The following NRXN3 variants were observed in gnomAD, a reference collection of about 807,000 sequenced individuals.
NRXN3 encodes neurexin 3, also known as neurexin III.
In NRXN3, 32 loss-of-function variants were observed where a neutral mutation model predicts 137.6. The ratio of observed to expected loss-of-function variants is 0.23; its 90% CI spans 0.18 to 0.31. The LOEUF is 0.31. Among genes scored for constraint, NRXN3 ranks in the 10% least tolerant of loss-of-function variants. NRXN3 has a pLI of 1.00. For missense variants in NRXN3, 1,574 were observed against 2,062.5 expected (o/e 0.76, Z 4.59); for synonymous variants, 798 against 784.5 (o/e 1.02, Z -0.29).
chr14:79,416,822 C>A (rs534356529), intron 15 of NRXN3, among the ~76,000 whole-genome samples: 1 of 152,218 alleles, frequency 6.6e-6, no homozygotes, highest in East Asian at 1.9e-4. Flanking sequence ...TCAAAGATAA[C>A]ATTACATGGC....
intron 4 of NRXN3, among the ~76,000 whole-genome samples, chr14:78,448,166 A>G (rs562217312): frequency 1.5e-4 from 23 of 152,340 alleles, no homozygotes; most frequent in African/African-American, 4.6e-4. Context: ...TTACTGTTCA[A>G]CTTATGATCT....
intron 17 of NRXN3, among the ~76,000 whole-genome samples, chr14:79,667,064 A>G (rs535392968): frequency 6.6e-6 from 1 of 152,166 alleles, no homozygotes; most frequent in East Asian, 1.9e-4. Context: ...AAAAGGATCA[A>G]TTTAACTATT....
In NRXN3 at chr14:78,709,499, A is replaced by G. The variant is rs1335838573; in HGVS notation, c.1504A>G (p.Asn502Asp). 1 of 1,614,118 alleles carries G rather than the reference A, an allele frequency of 6.2e-7. No individual in the cohort carries two copies. Among genetic ancestry groups the G allele is most frequent in the East Asian group, 2.2e-5 (1 of 44,840 alleles). ...QERKDARSQK[N>D]TKVDFFAVEL... ...GAGGAAGGATGCTCGGAGCCAGAAG[A>G]ATACAAAAGTAGACTTCTTTGCCGT... Residue 502 changes from asparagine to aspartate, a missense_variant, in exon 7 of 21, where the codon AAT becomes GAT. Asn to Asp is a conservative substitution (Grantham distance 23, BLOSUM62 1). Transcript: ENST00000335750.
chr14:78,723,892 A>T (rs969721622), intron 8 of NRXN3, among the ~76,000 whole-genome samples: 1 of 152,212 alleles, frequency 6.6e-6, no homozygotes, highest in East Asian at 1.9e-4. Flanking sequence ...AGGTTGGACC[A>T]TAAGAGAACA....
intron 19 of NRXN3, among the ~76,000 whole-genome samples, chr14:79,727,341 G>T (rs2098896926): frequency 6.6e-6 from 1 of 152,134 alleles, no homozygotes; most frequent in African/African-American, 2.4e-5. Flanking sequence ...GATAGGTATA[G>T]AATTCTTCCT....
chr14:79,427,219 G>A (rs2095667353), intron 15 of NRXN3, among the ~76,000 whole-genome samples: 1 of 152,164 alleles, frequency 6.6e-6, no homozygotes, highest in Non-Finnish European at 1.5e-5. Context: ...CAGCCTCAGG[G>A]AACTGTAAAA....
At chr14:78,558,869 T>A (rs951827140) in intron 4 of NRXN3, among the ~76,000 whole-genome samples, 1 of 152,234 alleles carries the variant, frequency 6.6e-6, no homozygotes, top group African/African-American at 2.4e-5. Context: ...ACATTATTGT[T>A]TCTTAATCCT....
intron 15 of NRXN3, among the ~76,000 whole-genome samples, chr14:79,461,612 G>C (rs778814849): frequency 6.6e-6 from 1 of 152,158 alleles, no homozygotes; most frequent in African/African-American, 2.4e-5. Flanking sequence ...TGCTAGAAGA[G>C]ATATTTATCA....
chr14:79,845,793 AGAGG>A lies in NRXN3; in HGVS notation c.4094-15545_4094-15542del, dbSNP rs1357099923. ...GGGAGAGAGAGGGAGACGGGGAGAG[AGAGG>A]GAGACGGGGAGAGAGAGGGAGACGG... On this transcript the variant is annotated intron_variant, in intron 20 of 20. Coordinates refer to ENST00000335750, the MANE Select transcript of NRXN3 (RefSeq NM_001330195.2). 6.6e-3 allele frequency among the ~76,000 whole-genome samples: 650 copies of A among 98,860 alleles called. 31 individuals are homozygous for A. Among genetic ancestry groups the A allele is most frequent in the Non-Finnish European group, 0.01 (462 of 44,636 alleles). 64.9% of individuals were successfully genotyped at this position (98,860 alleles called of 152,430 possible).
At chr14:79,561,357 AC>A (rs1208482545) in intron 16 of NRXN3, among the ~76,000 whole-genome samples, 2 of 152,198 alleles carry the variant, frequency 1.3e-5, no homozygotes, top group Non-Finnish European at 2.9e-5. Context: ...TGTGATGTTG[AC>A]TATATCATGC....
chr14:78,488,674 A>C (rs974501149), intron 4 of NRXN3, among the ~76,000 whole-genome samples: 2 of 152,022 alleles, frequency 1.3e-5, no homozygotes, highest in African/African-American at 4.8e-5. Flanking sequence ...GAGGAAAAGA[A>C]AAGACATGAA....
rs146607599 is a variant in NRXN3, at chr14:79,549,781, T to C, written c.3444+82379T>C. Among the ~76,000 whole-genome samples, 753 of 152,182 alleles carry C rather than the reference T, an allele frequency of 4.9e-3. 7 individuals are homozygous for C. The highest frequency in any genetic ancestry group is 0.017 in the African/African-American group (716 of 41,522). Reference sequence around the variant, plus strand: ...GTGGTATGTCCATTATTATGACCTATTTAGTGGCCCAGCAAATCCCCAAAT... The same window carrying C: ...GTGGTATGTCCATTATTATGACCTACTTAGTGGCCCAGCAAATCCCCAAAT... On this transcript the variant is annotated intron_variant, in intron 16 of 20. Coordinates refer to ENST00000335750, the MANE Select transcript of NRXN3 (RefSeq NM_001330195.2).
In NRXN3 at chr14:78,988,089, C is replaced by T; in HGVS notation, c.3210C>T (p.Gly1070=). 1.2e-6 allele frequency: 2 copies of T among 1,613,966 alleles called. No individual in the cohort carries two copies. The highest frequency in any genetic ancestry group is 1.7e-6 in the Non-Finnish European group (2 of 1,179,882). Residue 1070 remains glycine (G), a synonymous_variant, in exon 15 of 21, where the codon GGC becomes GGT. Coordinates refer to ENST00000335750, the MANE Select transcript of NRXN3 (RefSeq NM_001330195.2). ...NQGVCMQQWE[G]FTCDCSMTSY... ...GGGTCTGCATGCAACAATGGGAGGGCTTCACCTGTGATTGTTCTATGACCT... is the reference window on the plus strand; with the variant it reads ...GGGTCTGCATGCAACAATGGGAGGGTTTCACCTGTGATTGTTCTATGACCT...
intron 10 of NRXN3, among the ~76,000 whole-genome samples, chr14:78,837,232 A>G (rs748897433): frequency 1.8e-4 from 27 of 152,216 alleles, no homozygotes; most frequent in Non-Finnish European, 2.6e-4. Flanking sequence ...TCTCTCTTTC[A>G]GTCCAGAAGC....
chr14:78,425,304 C>G (rs944169182), intron 4 of NRXN3, among the ~76,000 whole-genome samples: 2 of 152,172 alleles, frequency 1.3e-5, no homozygotes, highest in African/African-American at 2.4e-5. Flanking sequence ...GCACTTGGTA[C>G]ATAGTTAAGT....
At chr14:79,161,111 T>C (rs1433131552) in intron 15 of NRXN3, among the ~76,000 whole-genome samples, 1 of 151,972 alleles carries the variant, frequency 6.6e-6, no homozygotes, top group Non-Finnish European at 1.5e-5. Context: ...TTCCTCTTCA[T>C]ATAATGCACA....
intron 19 of NRXN3, among the ~76,000 whole-genome samples, chr14:79,721,423 A>G (rs2154064136): frequency 6.6e-6 from 1 of 152,274 alleles, no homozygotes; most frequent in African/African-American, 2.4e-5. Context: ...CCCAAGTATT[A>G]CAAAGGGGCT....
intron 4 of NRXN3, among the ~76,000 whole-genome samples, chr14:78,426,775 T>A (rs1261591121): frequency 2.6e-5 from 4 of 152,282 alleles, no homozygotes; most frequent in African/African-American, 7.2e-5. Flanking sequence ...AAATTCTTCC[T>A]GGGTTTTCTC....
chr14:79,142,706 G>A (rs750198144), intron 15 of NRXN3, among the ~76,000 whole-genome samples: 4 of 152,140 alleles, frequency 2.6e-5, no homozygotes, highest in African/African-American at 7.2e-5. Flanking sequence ...ACAGCCATGG[G>A]GTGGACAAAT....
Sources: allele counts gnomAD v4.1 joint callset (sites outside exome capture counted in the v4.1 genomes callset), GRCh38; gene constraint gnomAD v4.1.1; transcripts MANE v1.5; gene names NCBI Gene and HGNC (gene_info 2026-07-23, HGNC 2026-07-21).